PODXL2: variants seen among roughly 807,000 people sequenced by gnomAD.
PODXL2 encodes podocalyxin like 2.
Under a neutral mutation model 53.4 loss-of-function variants are expected in PODXL2, and 17 were observed. The ratio of observed to expected loss-of-function variants is 0.32; its 90% CI spans 0.22 to 0.48. The LOEUF is 0.48. Among genes scored for constraint, PODXL2 ranks in the 20% least tolerant of loss-of-function variants. PODXL2 has a pLI of 0.99. For synonymous variants in PODXL2, 311 were observed against 306.7 expected, an observed-to-expected ratio of 1.01 and a Z score of -0.15; for missense variants, 673 against 760.0, an observed-to-expected ratio of 0.89 and a Z score of 1.35.
chr3:127,636,180 G>A (rs1366671295), intron 1 of PODXL2, among the ~76,000 whole-genome samples: 4 of 152,236 alleles, frequency 2.6e-5, no homozygotes. Context: ...TTGCAAAGAT[G>A]TGTGTTATTA....
At position 127,660,704 on chromosome 3, in the gene PODXL2, G is replaced by A. The variant is rs149151228; in HGVS notation, c.676G>A (p.Gly226Arg). Residue 226 changes from glycine (G) to arginine (R), a missense_variant, in exon 3 of 8, where the codon GGG becomes AGG. Transcript: ENST00000342480. ...GATKSRHEDS[G>R]DQASSGVEVE... Reference sequence around the variant, plus strand: ...CACCAAAAGCAGGCATGAAGACTCCGGGGACCAGGCCTCATCAGGTGTGGA... The same window carrying A: ...CACCAAAAGCAGGCATGAAGACTCCAGGGACCAGGCCTCATCAGGTGTGGA... 240 of 1,614,164 alleles carry A rather than the reference G, an allele frequency of 1.5e-4. No homozygotes were observed. The highest frequency in any genetic ancestry group is 3.3e-4 in the Middle Eastern group (2 of 6,062).
At chr3:127,637,753 G>A (rs530638792) in intron 1 of PODXL2, among the ~76,000 whole-genome samples, 1 of 152,290 alleles carries the variant, frequency 6.6e-6, no homozygotes, top group African/African-American at 2.4e-5. Context: ...CACCCCTGTG[G>A]CTGGATGTGG....
intron 2 of PODXL2, among the ~76,000 whole-genome samples, chr3:127,645,737 T>C (rs757665067): frequency 3.9e-5 from 6 of 152,230 alleles, no homozygotes; most frequent in Admixed American, 2.0e-4. Context: ...AGAAAGTGGC[T>C]AAGGTGGCAG....
At chr3:127,657,173 C>T (rs2074730564) in intron 2 of PODXL2, among the ~76,000 whole-genome samples, 2 of 152,186 alleles carry the variant, frequency 1.3e-5, no homozygotes, top group African/African-American at 4.8e-5. Flanking sequence ...GGAGGCTGTA[C>T]ACAGTTTAGG....
intron 4 of PODXL2, among the ~76,000 whole-genome samples, chr3:127,667,416 G>C (rs913938021): frequency 6.6e-6 from 1 of 152,240 alleles, no homozygotes; most frequent in Non-Finnish European, 1.5e-5. Context: ...CTGGGAGAGG[G>C]GTATCTGCAG....
At chr3:127,640,912 ATTAT>A (rs1269482725) in intron 2 of PODXL2, among the ~76,000 whole-genome samples, 3 of 151,996 alleles carry the variant, frequency 2.0e-5, no homozygotes, top group African/African-American at 7.3e-5. Context: ...TAAACATGTT[ATTAT>A]TTATTTATTT....
Position 127,662,325 on chromosome 3 carries a change from C to T in PODXL2, c.1206+14C>T. 2.5e-6 allele frequency: 4 copies of T among 1,609,024 alleles called. No individual in the cohort carries two copies. Among genetic ancestry groups the T allele is most frequent in the Non-Finnish European group, 3.4e-6 (4 of 1,176,670 alleles). ...AACATAGACTGTGTGAGTGCCCAGC[C>T]AGGCTCCGAACCGCAGGGAAAGGCT... On this transcript the variant is annotated intron_variant, in intron 4 of 7. Coordinates refer to ENST00000342480, the MANE Select transcript of PODXL2 (RefSeq NM_015720.4).
At chr3:127,653,125 C>T (rs1047347756) in intron 2 of PODXL2, among the ~76,000 whole-genome samples, 2 of 152,198 alleles carry the variant, frequency 1.3e-5, no homozygotes, top group African/African-American at 4.8e-5. Flanking sequence ...TTCCTCTCCC[C>T]TCTCAATGCA....
intron 2 of PODXL2, among the ~76,000 whole-genome samples, chr3:127,652,325 A>G (rs1221373018): frequency 6.6e-6 from 1 of 152,090 alleles, no homozygotes; most frequent in Admixed American, 6.5e-5. Flanking sequence ...TCTGGGGAAC[A>G]TGTGGTTTCT....
intron 2 of PODXL2, among the ~76,000 whole-genome samples, chr3:127,645,014 C>T (rs1003490173): frequency 6.6e-6 from 1 of 152,222 alleles, no homozygotes; most frequent in Non-Finnish European, 1.5e-5. Context: ...TGGAGTTGCC[C>T]ATCTTCTTCT....
In PODXL2 at chr3:127,639,877, G is replaced by C. The variant is rs575036440; in HGVS notation, c.349+354G>C. Among the ~76,000 whole-genome samples the C allele has an allele frequency of 1.2e-3, 189 of 152,374 alleles. 1 individual carries two copies. The highest frequency in any genetic ancestry group is 1.3e-3 in the Non-Finnish European group (89 of 68,040). ...TGGCCTGAGGTCAAACAGCAGCTCA[G>C]ATGCTCAGTCATGATTCAGACCTAT... On this transcript the variant is annotated intron_variant, in intron 2 of 7. Coordinates refer to ENST00000342480, the MANE Select transcript of PODXL2 (RefSeq NM_015720.4).
intron 2 of PODXL2, among the ~76,000 whole-genome samples, chr3:127,640,511 G>A (rs1394071205): frequency 6.6e-6 from 1 of 151,962 alleles, no homozygotes; most frequent in Non-Finnish European, 1.5e-5. Flanking sequence ...GAACAGCCTG[G>A]CCAACATGGT....
chr3:127,632,281 A>G (rs1409455835), intron 1 of PODXL2, among the ~76,000 whole-genome samples: 3 of 152,320 alleles, frequency 2.0e-5, no homozygotes, highest in East Asian at 3.9e-4. Context: ...CCCGCCTGCC[A>G]TGCCACAGCC....
At position 127,660,978 on chromosome 3, in the gene PODXL2, G is replaced by A. The variant is rs749417701; in HGVS notation, c.950G>A (p.Gly317Glu). Residue 317 changes from glycine to glutamate, a missense_variant, in exon 3 of 8, where the codon GGG becomes GAG. Gly to Glu is a moderately conservative substitution (Grantham distance 98, BLOSUM62 -2). Coordinates refer to ENST00000342480, the MANE Select transcript of PODXL2 (RefSeq NM_015720.4). Reference sequence around the variant, plus strand: ...TTCCCTCAAACCACAGCTCCCAGTGGGGCCGAGCACCCAGATGAAGATCCC... The same window carrying A: ...TTCCCTCAAACCACAGCTCCCAGTGAGGCCGAGCACCCAGATGAAGATCCC... ...PSFPQTTAPS[G>E]AEHPDEDPLG... 31 of 1,614,106 alleles carry A rather than the reference G, an allele frequency of 1.9e-5. No individual in the cohort carries two copies. The highest frequency in any genetic ancestry group is 6.7e-5 in the Admixed American group (4 of 60,012).
At chr3:127,662,122 G>A (rs927586619) in intron 3 of PODXL2, 115 bp from the exon 4 acceptor site, 12 of 780,996 alleles carry the variant, frequency 1.5e-5, no homozygotes, top group South Asian at 3.0e-5. Context: ...GCTGTAATAC[G>A]CCTCCACTGG....
At chr3:127,662,114 TG>T in intron 3 of PODXL2, 122 bp from the exon 4 acceptor site, 1 of 744,094 alleles carries the variant, frequency 1.3e-6, no homozygotes, top group Non-Finnish European at 2.3e-6. Context: ...GCCCCCTCGC[TG>T]TAATACGCCT....
At chr3:127,642,522 G>T (rs537546020) in intron 2 of PODXL2, among the ~76,000 whole-genome samples, 103 of 152,098 alleles carry the variant, frequency 6.8e-4, no homozygotes, top group Non-Finnish European at 1.3e-3. Flanking sequence ...GGGAAGGGAT[G>T]AAGATGGGAG....
chr3:127,645,433 G>A (rs1025527070), intron 2 of PODXL2, among the ~76,000 whole-genome samples: 2 of 152,184 alleles, frequency 1.3e-5, no homozygotes, highest in Admixed American at 6.5e-5. Flanking sequence ...AGCTCAAGAG[G>A]ACTAGCTTCA....
rs9871658 is a variant in PODXL2 at position 127,638,850 on chromosome 3, A to G, written c.71-395A>G. Reference sequence around the variant, plus strand: ...GCCTGGGGAACACTGTGTTCGTCCAATCATACTGCTAGGTCCTTAAAAGCA... The same window carrying G: ...GCCTGGGGAACACTGTGTTCGTCCAGTCATACTGCTAGGTCCTTAAAAGCA... On this transcript the variant is annotated intron_variant, in intron 1 of 7. Transcript: ENST00000342480. 1.0e-2 allele frequency among the ~76,000 whole-genome samples: 1,516 copies of G among 152,352 alleles called. 33 individuals are homozygous for G. Among genetic ancestry groups the G allele is most frequent in the African/African-American group, 0.033 (1,366 of 41,574 alleles).
Sources: gnomAD v4.1 joint callset for allele counts (sites outside exome capture counted in the v4.1 genomes callset) on GRCh38, gnomAD v4.1.1 for gene constraint, MANE v1.5 for transcripts, NCBI Gene and HGNC (gene_info 2026-07-23, HGNC 2026-07-21) for gene names.